LRRC7: variants seen among roughly 807,000 people sequenced by gnomAD.
LRRC7 encodes leucine-rich repeat-containing protein 7.
LRRC7 carries 23 observed loss-of-function variants against 175.7 expected under a neutral mutation model. The ratio of observed to expected loss-of-function variants is 0.13; its 90% confidence interval spans 0.09 to 0.19. The LOEUF (loss-of-function observed/expected upper bound fraction) is 0.19, where lower values mean the gene tolerates loss of function less well. LRRC7 is among the 10% of genes least tolerant of loss of function. The pLI is 1.00. For synonymous variants in LRRC7, 685 were observed against 680.9 expected, an observed-to-expected ratio of 1.01 and a Z score of -0.09; for missense variants, 1,354 against 1,904.7, an observed-to-expected ratio of 0.71 and a Z score of 5.38.
chr1:69,987,954 A>G (rs116293432), intron 10 of LRRC7, among the ~76,000 whole-genome samples: 6,493 of 152,256 alleles, frequency 0.043, 169 homozygotes, highest in South Asian at 0.082. Context: ...AGTAAATGTG[A>G]CAAGCCCCTT....
rs568986483 is a variant in LRRC7, at chr1:70,109,108, A to G, written c.4620+1282A>G. ...ACGATCTCGGCTCACCACAACCTCC[A>G]CCTCCCGGGTTCAAGCAATTCTCCT... On this transcript the variant is annotated intron_variant, in intron 26 of 26. Coordinates refer to ENST00000651989, the MANE Select transcript of LRRC7 (RefSeq NM_001370785.2). Among the ~76,000 whole-genome samples the G allele has an allele frequency of 5.3e-5, 8 of 151,414 alleles. No homozygotes were observed. The East Asian group carries it at 5.8e-4, about 11-fold the overall frequency.
chr1:70,014,464 A>G (rs187435639), intron 13 of LRRC7, among the ~76,000 whole-genome samples: 3 of 152,114 alleles, frequency 2.0e-5, no homozygotes, highest in Admixed American at 2.0e-4. Context: ...CAGAAGTTTA[A>G]AATAAATTCA....
chr1:69,717,079 T>A (rs949685006), intron 2 of LRRC7, among the ~76,000 whole-genome samples: 5 of 46,212 alleles, frequency 1.1e-4, no homozygotes, highest in Admixed American at 2.7e-4. Flanking sequence ...ATATACATAC[T>A]TTTTTTTCAA....
chr1:69,669,930 A>G (rs140760290), intron 1 of LRRC7, among the ~76,000 whole-genome samples: 3 of 152,150 alleles, frequency 2.0e-5, no homozygotes, highest in East Asian at 3.9e-4. Context: ...ATTCTTTTTA[A>G]TTATTTCCAT....
At chr1:69,902,816 C>A (rs1359414037) in intron 7 of LRRC7, among the ~76,000 whole-genome samples, 1 of 152,092 alleles carries the variant, frequency 6.6e-6, no homozygotes, top group Non-Finnish European at 1.5e-5. Context: ...TGTTGAAAAG[C>A]AATGGTTGAT....
At chr1:69,716,148 G>T (rs763342471) in intron 2 of LRRC7, 1 of 427,208 alleles carries the variant, frequency 2.3e-6, no homozygotes, top group Non-Finnish European at 4.3e-6. Context: ...AAAGGAGCCC[G>T]CTACATGAAA....
chr1:70,118,795 G>A (rs1332092871), intron 26 of LRRC7, among the ~76,000 whole-genome samples: 1 of 152,048 alleles, frequency 6.6e-6, no homozygotes, highest in Non-Finnish European at 1.5e-5. Context: ...GAACAATGGG[G>A]GGTGGGAAGG....
Position 70,136,312 on chromosome 1 carries a change from C to T in LRRC7, c.*14425C>T, listed in dbSNP as rs929821454. Reference sequence around the variant, plus strand: ...TATACTTATATTTTGAGTATTCATCCAGACCTGTAGGTTTGAATCGAGAGA... The same window carrying T: ...TATACTTATATTTTGAGTATTCATCTAGACCTGTAGGTTTGAATCGAGAGA... On this transcript the variant is annotated 3_prime_UTR_variant, in exon 27 of 27. Transcript: ENST00000651989. 1.3e-5 allele frequency among the ~76,000 whole-genome samples: 2 copies of T among 151,970 alleles called. No individual in the cohort carries two copies. The highest frequency in any genetic ancestry group is 2.1e-4 in the South Asian group (1 of 4,814).
Position 70,038,301 on chromosome 1 carries a change from A to G in LRRC7, c.2477A>G (p.Asn826Ser), listed in dbSNP as rs146930680. The change falls in exon 21 of 27, where the codon AAT (asparagine) becomes AGT (serine). Residue 826 changes from asparagine (N) to serine (S), a missense_variant. Physicochemically the swap from Asn to Ser is conservative, Grantham distance 46. This residue lies in a region of LRRC7 where 1,032 missense variants were observed against 1,227.2 expected (regional missense o/e 0.84). Coordinates refer to ENST00000651989, the MANE Select transcript of LRRC7 (RefSeq NM_001370785.2). ...GFVAEETTAE[N>S]ANSNPLLSSK... The stretch of plus-strand genomic sequence containing the variant: ...GTTGCTGAGGAAACCACAGCCGAGA[A>G]TGCCAACAGTAATCCTCTCTTAAGT... The G allele has an allele frequency of 2.4e-5, 38 of 1,614,162 alleles. No homozygotes were observed. The highest frequency in any genetic ancestry group is 6.7e-5 in the African/African-American group (5 of 75,050).
intron 2 of LRRC7, among the ~76,000 whole-genome samples, chr1:69,750,093 T>TAAATAAATAAATAATA (rs139997047): frequency 0.34 from 48,594 of 141,054 alleles, 8,722 homozygotes; most frequent in East Asian, 0.44. Context: ...AATAAATAAA[T>TAAATAAATAAATAATA]AATAATAACT....
chr1:69,979,627 T>C (rs1367833725), intron 8 of LRRC7, among the ~76,000 whole-genome samples: 1 of 152,128 alleles, frequency 6.6e-6, no homozygotes, highest in African/African-American at 2.4e-5. Context: ...GGTGGTTATA[T>C]GGCATGTACA....
At chr1:69,620,172 TCTCA>T (rs1160342771) in intron 1 of LRRC7, among the ~76,000 whole-genome samples, 1 of 152,148 alleles carries the variant, frequency 6.6e-6, no homozygotes, top group Non-Finnish European at 1.5e-5. Flanking sequence ...GCAACATTCT[TCTCA>T]CTATTTTTTT....
chr1:69,755,331 A>AATAT (rs763013593), intron 2 of LRRC7, among the ~76,000 whole-genome samples: 1 of 150,496 alleles, frequency 6.6e-6, no homozygotes, highest in Admixed American at 6.7e-5. Context: ...AACCAAAAGG[A>AATAT]ATATATATAT....
intron 2 of LRRC7, among the ~76,000 whole-genome samples, chr1:69,691,981 A>G (rs1400628902): frequency 6.6e-6 from 1 of 152,120 alleles, no homozygotes; most frequent in Non-Finnish European, 1.5e-5. Flanking sequence ...AGTAATAAAG[A>G]TTTTTATGAT....
At chr1:69,800,552 G>A (rs1008303883) in intron 4 of LRRC7, among the ~76,000 whole-genome samples, 12 of 151,848 alleles carry the variant, frequency 7.9e-5, no homozygotes, top group South Asian at 2.1e-4. Flanking sequence ...TGTTATTGGC[G>A]TACAGAAATG....
At chr1:69,571,800 C>G (rs534734302) in intron 1 of LRRC7, among the ~76,000 whole-genome samples, 2 of 152,116 alleles carry the variant, frequency 1.3e-5, no homozygotes, top group African/African-American at 4.8e-5. Flanking sequence ...ACCGACTACA[C>G]GAAGAGTAAC....
At chr1:69,923,874 G>A (rs1317302472) in intron 7 of LRRC7, among the ~76,000 whole-genome samples, 1 of 151,730 alleles carries the variant, frequency 6.6e-6, no homozygotes, top group African/African-American at 2.4e-5. Flanking sequence ...TGAAGTCCTT[G>A]CCCATGCCTA....
In LRRC7 at chr1:69,996,560, T is replaced by G. The variant is rs548435038; in HGVS notation, c.1004+1927T>G. 6.6e-5 allele frequency among the ~76,000 whole-genome samples: 10 copies of G among 151,586 alleles called. No individual in the cohort carries two copies. The South Asian group carries it at 1.7e-3, about 25-fold the overall frequency. The stretch of plus-strand genomic sequence containing the variant: ...TAACGTTTAAGTCTTTAATCCATCT[T>G]GAATTGATTTTTGTATAAGGTGTAA... On this transcript the variant is annotated intron_variant, in intron 11 of 26. Coordinates refer to ENST00000651989, the MANE Select transcript of LRRC7 (RefSeq NM_001370785.2).
At chr1:69,971,772 C>A (rs1439139267) in intron 8 of LRRC7, among the ~76,000 whole-genome samples, 1 of 152,022 alleles carries the variant, frequency 6.6e-6, no homozygotes, top group Non-Finnish European at 1.5e-5. Flanking sequence ...AAAAAACAAT[C>A]CTAAAATTCA....
Sources: gnomAD v4.1 joint callset for allele counts (sites outside exome capture counted in the v4.1 genomes callset) on GRCh38, gnomAD v4.1.1 for gene constraint, gnomAD v4.1.1 regional missense constraint, MANE v1.5 for transcripts, NCBI Gene and HGNC (gene_info 2026-07-23, HGNC 2026-07-21) for gene names.